The following TMEM129 variants were observed in gnomAD, a reference collection of about 807,000 sequenced individuals.
The protein encoded by TMEM129 is transmembrane protein 129, E3 ubiquitin ligase, also known as E3 ubiquitin-protein ligase TM129.
In TMEM129, 35 loss-of-function variants were observed where a neutral mutation model predicts 34.1. The ratio of observed to expected loss-of-function variants is 1.03; its 90% CI spans 0.78 to 1.36. TMEM129 has a LOEUF of 1.36. TMEM129 is among the 40% of genes most tolerant of loss of function. The pLI is 0.00. For synonymous variants in TMEM129, 239 were observed against 217.3 expected, an observed-to-expected ratio of 1.10 and a Z score of -0.88; for missense variants, 504 against 512.6, an observed-to-expected ratio of 0.98 and a Z score of 0.16.
rs1292626442 is a variant in TMEM129 at position 1,717,070 on chromosome 4, C to G, written c.*110G>C. ...CCCAGGGCAGAGGCGAGTTGCTCTACATCATGTGCTTTAAGTAGAGCCCTT... is the reference window on the plus strand; with the variant it reads ...CCCAGGGCAGAGGCGAGTTGCTCTAGATCATGTGCTTTAAGTAGAGCCCTT... On this transcript the variant is annotated 3_prime_UTR_variant, in exon 4 of 4. Coordinates refer to ENST00000382936, the MANE Select transcript of TMEM129 (RefSeq NM_001127266.2). 1 of 1,308,460 alleles carries G rather than the reference C, an allele frequency of 7.6e-7. No homozygotes were observed. Among genetic ancestry groups the G allele is most frequent in the Non-Finnish European group, 9.8e-7 (1 of 1,018,276 alleles). 81.1% of individuals were successfully genotyped at this position (1,308,460 alleles called of 1,614,324 possible). A position where few individuals can be genotyped will look rare whatever the true frequency, so the allele number is the denominator to read the frequency against.
chr4:1,718,210 G>C lies in TMEM129; in HGVS notation c.622C>G (p.Gln208Glu). 1 of 1,594,282 alleles carries C rather than the reference G, an allele frequency of 6.3e-7. No individual in the cohort carries two copies. The highest frequency in any genetic ancestry group is 8.5e-7 in the Non-Finnish European group (1 of 1,170,460). Residue 208 changes from glutamine to glutamate, a missense_variant, in exon 2 of 4, where the codon CAG becomes GAG. Transcript: ENST00000382936. ...ELSPDSNLPV[Q>E]LLTIRVASTN... ...CTGGCCACACGGATGGTGAGGAGCT[G>C]CACGGGCAAGTTCGAGTCTGGCGAG...
Position 1,717,561 on chromosome 4 carries a change from G to C in TMEM129, c.795C>G (p.Ala265=), listed in dbSNP as rs544861212. 6.5e-7 allele frequency: 1 copy of C among 1,549,122 alleles called. No individual in the cohort carries two copies. The change falls in exon 3 of 4, where the codon GCC becomes GCG. Residue 265 remains alanine, a synonymous_variant. Transcript: ENST00000382936. ...SLGDLFLETF[A]SLVEVNPAYS... Reference sequence around the variant, plus strand: ...AGGCCGGGTTGACCTCTACCAGGGAGGCAAATGTCTCCAGGAACAGGTCGC... The same window carrying C: ...AGGCCGGGTTGACCTCTACCAGGGACGCAAATGTCTCCAGGAACAGGTCGC...
rs752779738 is a variant in TMEM129, at chr4:1,720,865, TAGGCCCCCGCCCCGGCGCGCGGACG to T, written c.-53_-29del. 5.2e-6 allele frequency: 8 copies of T among 1,550,364 alleles called. No individual in the cohort carries two copies. In the East Asian group the frequency reaches 7.4e-5, roughly 14 times the overall value. On this transcript the variant is annotated 5_prime_UTR_variant, in exon 1 of 4. Transcript: ENST00000382936. The surrounding 1 kb of genome is among the most constrained non-coding windows in gnomAD (Gnocchi z 4.4). ...CGCAGCCGCCGGGAAGCTGTCGAGC[TAGGCCCCCGCCCCGGCGCGCGGACG>T]AGGCCGCAGCGCCCAGTCCCGGACC...
Position 1,720,874 on chromosome 4 carries a change from G to A in TMEM129, c.-37C>T. On this transcript the variant is annotated 5_prime_UTR_variant, in exon 1 of 4. Coordinates refer to ENST00000382936, the MANE Select transcript of TMEM129 (RefSeq NM_001127266.2). This position sits in a 1 kb window ranked among gnomAD's most constrained non-coding sequence, Gnocchi z 4.4. ...CGGGAAGCTGTCGAGCTAGGCCCCC[G>A]CCCCGGCGCGCGGACGAGGCCGCAG... 1 of 1,538,506 alleles carries A rather than the reference G, an allele frequency of 6.5e-7. No individual in the cohort carries two copies.
chr4:1,718,396 T>C lies in TMEM129; in HGVS notation c.436A>G (p.Asn146Asp). The change falls in exon 2 of 4, where the codon AAC becomes GAC. Residue 146 changes from asparagine to aspartate, a missense_variant. Transcript: ENST00000382936. ...TTGTCAATCCGCCGGAACTCAGTGT[T>C]GACAGAGGAGGCAACAGCCTGCCAG... ...SGWQAVASSVNTEFRRIDKFA... is the reference protein window; with the variant it reads ...SGWQAVASSVDTEFRRIDKFA... The C allele has an allele frequency of 1.9e-6, 3 of 1,608,678 alleles. No homozygotes were observed. The highest frequency in any genetic ancestry group is 1.7e-6 in the Non-Finnish European group (2 of 1,177,704).
chr4:1,718,603 C>T lies in TMEM129; in HGVS notation c.229G>A (p.Ala77Thr), dbSNP rs1289023342. The T allele has an allele frequency of 1.4e-6, 2 of 1,458,868 alleles. No homozygotes were observed. Among genetic ancestry groups the T allele is most frequent in the African/African-American group, 2.9e-5 (2 of 69,902 alleles). 90.4% of individuals were successfully genotyped at this position (1,458,868 alleles called of 1,614,324 possible). The change falls in exon 2 of 4, where the codon GCG (alanine) becomes ACG (threonine). Residue 77 changes from alanine to threonine, a missense_variant. Transcript: ENST00000382936. The stretch of plus-strand genomic sequence containing the variant: ...GCGTGGAGCCGCTTTTCTGAAGCCG[C>T]AAGGCACATGCCCACATAGTAGCCT... ...PLGYYVGMCL[A>T]ASEKRLHALS...
intron 1 of TMEM129, among the ~76,000 whole-genome samples, chr4:1,719,516 C>G (rs189920440): frequency 1.3e-5 from 2 of 152,138 alleles, no homozygotes; most frequent in Non-Finnish European, 2.9e-5. Flanking sequence ...GAGGCTCCGT[C>G]TCAAAAAGTA....
chr4:1,716,851 T>A lies in TMEM129; in HGVS notation c.*329A>T. On this transcript the variant is annotated 3_prime_UTR_variant, in exon 4 of 4. Coordinates refer to ENST00000382936, the MANE Select transcript of TMEM129 (RefSeq NM_001127266.2). ...TGGCCCAGATGACGACCACCTGGGGTAGACCCAGGGTCTCCAGGGAATGGC... is the reference window on the plus strand; with the variant it reads ...TGGCCCAGATGACGACCACCTGGGGAAGACCCAGGGTCTCCAGGGAATGGC... 3.1e-6 allele frequency: 1 copy of A among 318,084 alleles called. No individual in the cohort carries two copies. Among genetic ancestry groups the A allele is most frequent in the Non-Finnish European group, 5.7e-6 (1 of 174,158 alleles). The allele number at this position is 318,084 out of a possible 1,614,324, so 19.7% of individuals were successfully genotyped here. A position where few individuals can be genotyped will look rare whatever the true frequency, so the allele number is the denominator to read the frequency against.
In TMEM129 at chr4:1,720,864, C is replaced by G; in HGVS notation, c.-27G>C. On this transcript the variant is annotated 5_prime_UTR_variant, in exon 1 of 4. Coordinates refer to ENST00000382936, the MANE Select transcript of TMEM129 (RefSeq NM_001127266.2). The surrounding 1 kb of genome is among the most constrained non-coding windows in gnomAD (Gnocchi z 4.4). ...GCGCAGCCGCCGGGAAGCTGTCGAG[C>G]TAGGCCCCCGCCCCGGCGCGCGGAC... 6.4e-7 allele frequency: 1 copy of G among 1,551,770 alleles called. No homozygotes were observed. The highest frequency in any genetic ancestry group is 8.7e-7 in the Non-Finnish European group (1 of 1,148,638).
At chr4:1,718,055 A>C in intron 2 of TMEM129, 97 bp downstream of exon 2, 1 of 1,177,448 alleles carries the variant, frequency 8.5e-7, no homozygotes, top group Admixed American at 2.5e-5. Context: ...TGGAGTCCAC[A>C]CCAGCTACAC....
In TMEM129 at chr4:1,718,194, C is replaced by T. The variant is rs371966213; in HGVS notation, c.638G>A (p.Arg213His). The T allele has an allele frequency of 1.4e-5, 23 of 1,587,774 alleles. No homozygotes were observed. The highest frequency in any genetic ancestry group is 4.6e-5 in the East Asian group (2 of 43,346). ...CACAGCAGGGTTGGTGCTGGCCACA[C>T]GGATGGTGAGGAGCTGCACGGGCAA... ...SNLPVQLLTI[R>H]VASTNPAVQA... Residue 213 changes from arginine to histidine, a missense_variant, in exon 2 of 4, where the codon CGT (arginine) becomes CAT (histidine). Arg to His is a conservative substitution (Grantham distance 29, BLOSUM62 0). Transcript: ENST00000382936.
In TMEM129 at chr4:1,717,233, A is replaced by G. The variant is rs1279682958; in HGVS notation, c.1036T>C (p.Cys346Arg). The G allele has an allele frequency of 2.0e-6, 3 of 1,505,320 alleles. No individual in the cohort carries two copies. Among genetic ancestry groups the G allele is most frequent in the Non-Finnish European group, 2.7e-6 (3 of 1,120,350 alleles). 93.2% of individuals were successfully genotyped at this position (1,505,320 alleles called of 1,614,324 possible). A position where few individuals can be genotyped will look rare whatever the true frequency, so the allele number is the denominator to read the frequency against. ...CAGAAGCGTGCGCGGCAGGTGGGGC[A>G]GGGCACGCGGCTGGCCAGCCAGGTG... ...PDTWLASRVP[C>R]PTCRARFCIL... is the part of the protein sequence containing the mutation. The change falls in exon 4 of 4, where the codon TGC becomes CGC. Residue 346 changes from cysteine to arginine, a missense_variant. Physicochemically the swap from Cys to Arg is radical, Grantham distance 180 (BLOSUM62 -3). Transcript: ENST00000382936.
intron 1 of TMEM129, chr4:1,719,173 C>T (rs1388997582): frequency 4.7e-6 from 3 of 636,668 alleles, no homozygotes; most frequent in Non-Finnish European, 5.1e-6. Context: ...AGGAGTTGCA[C>T]CAGCAGGTTC....
In TMEM129 at chr4:1,720,781, G is replaced by C; in HGVS notation, c.57C>G (p.Phe19Leu). Residue 19 changes from phenylalanine (F) to leucine (L), a missense_variant, in exon 1 of 4, where the codon TTC becomes TTG. By Grantham distance (22) the Phe-to-Leu change is conservative. Coordinates refer to ENST00000382936, the MANE Select transcript of TMEM129 (RefSeq NM_001127266.2). The surrounding 1 kb of genome is among the most constrained non-coding windows in gnomAD (Gnocchi z 4.4). ...TLAYLVFAVC[F>L]VFTPNEFHAA... is the part of the protein sequence containing the mutation. The stretch of plus-strand genomic sequence containing the variant: ...CGTGGAACTCGTTGGGCGTGAACAC[G>C]AAGCACACGGCGAACACCAGATAGG... 1 of 1,594,918 alleles carries C rather than the reference G, an allele frequency of 6.3e-7. No homozygotes were observed.
chr4:1,718,727 G>A, intron 1 of TMEM129, 101 bp from the exon 2 acceptor site: 1 of 1,419,970 alleles, frequency 7.0e-7, no homozygotes, highest in Non-Finnish European at 9.2e-7. Flanking sequence ...TCCAGGGTCA[G>A]CTCCCAGGGT....
chr4:1,718,056 C>G, intron 2 of TMEM129, 96 bp downstream of exon 2: 1 of 1,185,248 alleles, frequency 8.4e-7, no homozygotes, highest in Non-Finnish European at 1.2e-6. Flanking sequence ...GGAGTCCACA[C>G]CAGCTACACC....
At chr4:1,719,827 G>A (rs895652997) in intron 1 of TMEM129, among the ~76,000 whole-genome samples, 1 of 152,154 alleles carries the variant, frequency 6.6e-6, no homozygotes, top group African/African-American at 2.4e-5. Context: ...AGGCCTGGGC[G>A]CCTCCACCCG....
In TMEM129 at chr4:1,718,435, G is replaced by A; in HGVS notation, c.397C>T (p.Leu133Phe). The A allele has an allele frequency of 1.3e-6, 2 of 1,587,560 alleles. No individual in the cohort carries two copies. Among genetic ancestry groups the A allele is most frequent in the Non-Finnish European group, 1.7e-6 (2 of 1,166,444 alleles). ...PLARTLALYA[L>F]PQSGWQAVAS... Reference sequence around the variant, plus strand: ...ACAGCCTGCCAGCCAGACTGTGGGAGGGCGTAGAGGGCCAGGGTGCGCGCC... The same window carrying A: ...ACAGCCTGCCAGCCAGACTGTGGGAAGGCGTAGAGGGCCAGGGTGCGCGCC... The change falls in exon 2 of 4, where the codon CTC (leucine) becomes TTC (phenylalanine). Residue 133 changes from leucine (L) to phenylalanine (F), a missense_variant. Coordinates refer to ENST00000382936, the MANE Select transcript of TMEM129 (RefSeq NM_001127266.2).
Position 1,716,812 on chromosome 4 carries a change from A to G in TMEM129, c.*368T>C. 1 of 234,212 alleles carries G rather than the reference A, an allele frequency of 4.3e-6. No homozygotes were observed. The highest frequency in any genetic ancestry group is 8.3e-6 in the Non-Finnish European group (1 of 120,968). The allele number at this position is 234,212 out of a possible 1,614,324, so 14.5% of individuals were successfully genotyped here. On this transcript the variant is annotated 3_prime_UTR_variant, in exon 4 of 4. Transcript: ENST00000382936. ...GTAACTGAGGGTGGGTATGCTCCAGAGAAGTAAGGCAAATGGCCCAGATGA... is the reference window on the plus strand; with the variant it reads ...GTAACTGAGGGTGGGTATGCTCCAGGGAAGTAAGGCAAATGGCCCAGATGA...
Sources: gnomAD v4.1 joint callset for allele counts (sites outside exome capture counted in the v4.1 genomes callset) on GRCh38, gnomAD v4.1.1 for gene constraint, Gnocchi (gnomAD v3.1) non-coding constraint, MANE v1.5 for transcripts, NCBI Gene and HGNC (gene_info 2026-07-23, HGNC 2026-07-21) for gene names.